Variants in KANSL1L observed in about 807,000 individuals in gnomAD.
KANSL1L encodes the protein KAT8 regulatory NSL complex subunit 1-like protein.
Under a neutral mutation model 108.6 loss-of-function variants are expected in KANSL1L, and 25 were observed. That is an observed-to-expected ratio of 0.23 (90% confidence interval 0.17 to 0.32). KANSL1L has a LOEUF of 0.32. Ranked by LOEUF, KANSL1L falls within the 10% of genes least tolerant of loss-of-function variation. KANSL1L has a pLI of 1.00. For missense variants in KANSL1L, 1,137 were observed against 1,125.7 expected (o/e 1.01, Z -0.14); for synonymous variants, 405 against 395.1 (o/e 1.03, Z -0.30).
chr2:210,142,727 G>A (rs1428643127), intron 2 of KANSL1L, among the ~76,000 whole-genome samples: 2 of 151,876 alleles, frequency 1.3e-5, no homozygotes, highest in East Asian at 3.9e-4. Context: ...TTAATCCATT[G>A]GCTTTTCTTG....
intron 3 of KANSL1L, among the ~76,000 whole-genome samples, chr2:210,110,998 T>C (rs2094898838): frequency 6.6e-6 from 1 of 151,930 alleles, no homozygotes; most frequent in Non-Finnish European, 1.5e-5. Flanking sequence ...TGTAGTCCCA[T>C]CTACCCAGGA....
chr2:210,105,376 T>A (rs59522543), intron 3 of KANSL1L, among the ~76,000 whole-genome samples: 53,599 of 139,054 alleles, frequency 0.39, 9,931 homozygotes, highest in East Asian at 0.53. Flanking sequence ...TGAAAAAAAA[T>A]ATATATATAT....
chr2:210,132,201 CCAAAGT>C (rs2095127794), intron 2 of KANSL1L, among the ~76,000 whole-genome samples: 2 of 152,218 alleles, frequency 1.3e-5, no homozygotes, highest in South Asian at 2.1e-4. Context: ...ATGTTATACC[CCAAAGT>C]CAAACATTTT....
intron 8 of KANSL1L, among the ~76,000 whole-genome samples, chr2:210,033,174 T>C (rs1007887312): frequency 6.6e-6 from 1 of 152,208 alleles, no homozygotes; most frequent in Non-Finnish European, 1.5e-5. Flanking sequence ...CTGAAGTGTT[T>C]TCCAGAATCA....
At chr2:210,103,786 T>C (rs2094819228) in intron 4 of KANSL1L, among the ~76,000 whole-genome samples, 1 of 152,070 alleles carries the variant, frequency 6.6e-6, no homozygotes, top group African/African-American at 2.4e-5. Flanking sequence ...GTACAATTGT[T>C]CTCTCTCCTT....
chr2:210,125,066 C>T (rs896869187), intron 3 of KANSL1L, among the ~76,000 whole-genome samples: 16 of 152,008 alleles, frequency 1.1e-4, no homozygotes, highest in African/African-American at 2.7e-4. Flanking sequence ...CCAGCCTGGA[C>T]AACATGGTGA....
At chr2:210,108,133 A>G (rs2094868702) in intron 3 of KANSL1L, among the ~76,000 whole-genome samples, 2 of 152,316 alleles carry the variant, frequency 1.3e-5, no homozygotes, top group East Asian at 3.9e-4. Flanking sequence ...TTTTTCTTAT[A>G]TAATAACATT....
chr2:210,112,916 A>G (rs961043486), intron 3 of KANSL1L, among the ~76,000 whole-genome samples: 6 of 152,174 alleles, frequency 3.9e-5, no homozygotes, highest in Admixed American at 2.0e-4. Flanking sequence ...ATTTTCATCA[A>G]TTTTAGCTCT....
At chr2:210,035,603 C>T (rs931138443) in intron 8 of KANSL1L, among the ~76,000 whole-genome samples, 6 of 152,110 alleles carry the variant, frequency 3.9e-5, no homozygotes, top group Admixed American at 1.3e-4. Flanking sequence ...CTCAGCCTCC[C>T]GAGTAGCTGG....
chr2:210,144,977 A>T (rs2095255565), intron 2 of KANSL1L, among the ~76,000 whole-genome samples: 2 of 152,154 alleles, frequency 1.3e-5, no homozygotes, highest in African/African-American at 4.8e-5. Context: ...GGAGAAAAAA[A>T]CTTCTCCTTC....
In KANSL1L at chr2:210,153,534, T is replaced by A; in HGVS notation, c.1049A>T (p.Asp350Val). 4 of 1,614,136 alleles carry A rather than the reference T, an allele frequency of 2.5e-6. No individual in the cohort carries two copies. Among genetic ancestry groups the A allele is most frequent in the Non-Finnish European group, 3.4e-6 (4 of 1,180,004 alleles). The change falls in exon 2 of 15, where the codon GAC becomes GTC. Residue 350 changes from aspartate (D) to valine (V), a missense_variant. By Grantham distance (152) the Asp-to-Val change is radical. Around this residue, in one of 3 missense-constraint regions of KANSL1L, gnomAD observed 556 missense variants for 537.7 expected, o/e 1.03. Coordinates refer to ENST00000281772, the MANE Select transcript of KANSL1L (RefSeq NM_152519.4). ...TCTAAGGGTATATTCATCCAAATCG[T>A]CATCAGAGCTGCTATCAGTTGCATC... ...DSDATDSSSD[D>V]DLDEYTLRKN...
rs1491439771 is a variant in KANSL1L, at chr2:210,111,709, TTC to T, written c.1231-7410_1231-7409del. 2.6e-5 allele frequency among the ~76,000 whole-genome samples: 4 copies of T among 152,280 alleles called. No individual in the cohort carries two copies. In the East Asian group the frequency reaches 7.7e-4, roughly 29 times the overall value. ...CAAATAAACAAGAACATCTTTTTTTTTCTTTTTTTTAACTTTTTTTAAAAAAT... is the reference window on the plus strand; with the variant it reads ...CAAATAAACAAGAACATCTTTTTTTTTTTTTTTTAACTTTTTTTAAAAAAT... On this transcript the variant is annotated intron_variant, in intron 3 of 14. Transcript: ENST00000281772.
chr2:210,110,351 G>C (rs2094891817), intron 3 of KANSL1L, among the ~76,000 whole-genome samples: 1 of 152,142 alleles, frequency 6.6e-6, no homozygotes, highest in Non-Finnish European at 1.5e-5. Flanking sequence ...ATTATTCAAA[G>C]GTTTTCTCAA....
At chr2:210,052,837 A>G (rs569169187) in intron 6 of KANSL1L, among the ~76,000 whole-genome samples, 1 of 152,356 alleles carries the variant, frequency 6.6e-6, no homozygotes, top group East Asian at 1.9e-4. Flanking sequence ...GAAAAGAAAG[A>G]AGGAAAGACA....
chr2:210,153,384 T>TTA lies in KANSL1L; in HGVS notation c.1088+109_1088+110dup, dbSNP rs950530641. 10 of 803,222 alleles carry TTA rather than the reference T, an allele frequency of 1.2e-5. No homozygotes were observed. The African/African-American group carries it at 1.3e-4, about 10-fold the overall frequency. 49.8% of individuals were successfully genotyped at this position (803,222 alleles called of 1,614,324 possible). ...TAAAAATTAAAAAAAAAAAAAAAGA[T>TTA]TATAGCATTAAGATTTTAGAAAATC... On this transcript the variant is annotated intron_variant, in intron 2 of 14. Coordinates refer to ENST00000281772, the MANE Select transcript of KANSL1L (RefSeq NM_152519.4).
rs982270624 is a variant in KANSL1L at position 210,024,168 on chromosome 2, C to T, written c.2598G>A (p.Leu866=). 3.1e-6 allele frequency: 5 copies of T among 1,600,960 alleles called. No individual in the cohort carries two copies. In the African/African-American group the frequency reaches 5.4e-5, roughly 17 times the overall value. The change falls in exon 14 of 15, where the codon TTG becomes TTA. Residue 866 remains leucine (L), a synonymous_variant. Transcript: ENST00000281772. The part of the protein sequence containing the change: ...AYSKNVEGQD[L]LLKEYPNNFS... ...AGTTATTAGGGTATTCTTTCAAAAG[C>T]AAGTCCTGTCCTTCAACATTTTTAC...
At position 210,104,084 on chromosome 2, in the gene KANSL1L, T is replaced by C; in HGVS notation, c.1428+20A>G. 4 of 1,574,510 alleles carry C rather than the reference T, an allele frequency of 2.5e-6. No homozygotes were observed. The highest frequency in any genetic ancestry group is 2.2e-5 in the East Asian group (1 of 44,632). On this transcript the variant is annotated intron_variant, in intron 4 of 14. Coordinates refer to ENST00000281772, the MANE Select transcript of KANSL1L (RefSeq NM_152519.4). ...ATGAAAAGTCATTTCATACCACTGA[T>C]ATCCTTACTTTGACTTTACCTGTTT...
intron 6 of KANSL1L, among the ~76,000 whole-genome samples, chr2:210,057,357 G>A (rs866568533): frequency 5.9e-5 from 9 of 152,072 alleles, no homozygotes; most frequent in Admixed American, 1.3e-4. Flanking sequence ...AGCCAAGATC[G>A]TTGACACTGC....
At chr2:210,042,461 A>G (rs913034843) in intron 7 of KANSL1L, among the ~76,000 whole-genome samples, 1 of 152,212 alleles carries the variant, frequency 6.6e-6, no homozygotes, top group Non-Finnish European at 1.5e-5. Context: ...TCAGAGAAAT[A>G]TATTTGCTAA....
Sources: allele counts gnomAD v4.1 joint callset (sites outside exome capture counted in the v4.1 genomes callset), GRCh38; gene constraint gnomAD v4.1.1; regional missense constraint gnomAD v4.1.1; transcripts MANE v1.5; gene names NCBI Gene and HGNC (gene_info 2026-07-23, HGNC 2026-07-21).